The following CSMD1 variants were observed in gnomAD, a reference collection of about 807,000 sequenced individuals.
CSMD1 encodes CUB and sushi domain-containing protein 1.
CSMD1 carries 213 observed loss-of-function variants against 417.5 expected under a neutral mutation model. The observed-to-expected ratio is 0.51, with a 90% CI of 0.46 to 0.57. The LOEUF (loss-of-function observed/expected upper bound fraction) is 0.57. Ranked by LOEUF, CSMD1 falls within the 20% of genes least tolerant of loss-of-function variation. CSMD1 has a pLI of 0.00. For missense variants in CSMD1, 6,923 were observed against 4,529.7 expected (o/e 1.53, Z -15.17); for synonymous variants, 2,862 against 1,736.8 (o/e 1.65, Z -16.11).
chr8:4,431,359 A>G (rs1797862995), intron 2 of CSMD1, among the ~76,000 whole-genome samples: 1 of 152,178 alleles, frequency 6.6e-6, no homozygotes, highest in Non-Finnish European at 1.5e-5. Flanking sequence ...AATTGAAACC[A>G]ATAGTTGGGA....
At chr8:4,772,462 G>C (rs1415925131) in intron 1 of CSMD1, among the ~76,000 whole-genome samples, 1 of 152,154 alleles carries the variant, frequency 6.6e-6, no homozygotes, top group Non-Finnish European at 1.5e-5. Flanking sequence ...TATATCATGA[G>C]CGTCATCCGG....
At chr8:3,609,863 G>C (rs1258896568) in intron 8 of CSMD1, among the ~76,000 whole-genome samples, 2 of 108,786 alleles carry the variant, frequency 1.8e-5, no homozygotes, top group African/African-American at 3.5e-5. Context: ...CTGTCCCCCA[G>C]GCTGAAGTGA....
At chr8:4,064,903 A>G (rs1563075771) in intron 3 of CSMD1, among the ~76,000 whole-genome samples, 2 of 150,772 alleles carry the variant, frequency 1.3e-5, no homozygotes, top group East Asian at 4.0e-4. Flanking sequence ...AAAGTGGTCA[A>G]TTCCATTGAG....
chr8:4,498,476 C>G (rs1032096794), intron 2 of CSMD1, among the ~76,000 whole-genome samples: 2 of 151,950 alleles, frequency 1.3e-5, no homozygotes, highest in Admixed American at 1.3e-4. Context: ...AATTTTAGTT[C>G]AAACTTTTAA....
intron 8 of CSMD1, among the ~76,000 whole-genome samples, chr8:3,614,037 C>G (rs1019897707): frequency 6.6e-6 from 1 of 151,786 alleles, no homozygotes; most frequent in African/African-American, 2.4e-5. Context: ...ATCAAAAAAG[C>G]TACTATATAA....
chr8:4,303,490 A>G (rs1554523409), intron 3 of CSMD1, among the ~76,000 whole-genome samples: 2 of 121,048 alleles, frequency 1.7e-5, no homozygotes, highest in Non-Finnish European at 3.1e-5. Context: ...TTGATTTTCA[A>G]TCTCCTTACC....
chr8:3,757,390 C>T (rs767598870), intron 5 of CSMD1, among the ~76,000 whole-genome samples: 3 of 152,182 alleles, frequency 2.0e-5, no homozygotes, highest in Non-Finnish European at 2.9e-5. Context: ...TCCAATAACA[C>T]TTTATTTACG....
At chr8:3,978,442 C>T (rs1185842690) in intron 5 of CSMD1, among the ~76,000 whole-genome samples, 9 of 152,118 alleles carry the variant, frequency 5.9e-5, no homozygotes, top group Admixed American at 5.9e-4. Flanking sequence ...TTGGAACCTA[C>T]CTACCAATAC....
rs1003793691 is a variant in CSMD1 at position 3,023,211 on chromosome 8, A to G, written c.7856-4561T>C. ...TCCAGTAACAAACAGCAGATCTTCA[A>G]AGACCAGCCCGGACACAGACAGCCC... On this transcript the variant is annotated intron_variant, in intron 51 of 69. Transcript: ENST00000635120. 8.5e-5 allele frequency among the ~76,000 whole-genome samples: 13 copies of G among 152,328 alleles called. 1 individual carries two copies. Among genetic ancestry groups the G allele is most frequent in the African/African-American group, 2.9e-4 (12 of 41,572 alleles).
chr8:4,351,055 A>C (rs1801064180), intron 3 of CSMD1, among the ~76,000 whole-genome samples: 1 of 152,146 alleles, frequency 6.6e-6, no homozygotes, highest in Non-Finnish European at 1.5e-5. Flanking sequence ...TGCCTGGCTC[A>C]GACCAGTAAT....
At chr8:2,965,432 G>A (rs768270983) in intron 59 of CSMD1, among the ~76,000 whole-genome samples, 2 of 151,934 alleles carry the variant, frequency 1.3e-5, no homozygotes, top group Non-Finnish European at 2.9e-5. Context: ...ACCATGCCAC[G>A]AACACCTCAC....
chr8:4,140,485 C>G (rs891586592), intron 3 of CSMD1, among the ~76,000 whole-genome samples: 3 of 145,966 alleles, frequency 2.1e-5, no homozygotes, highest in Non-Finnish European at 3.0e-5. Context: ...GCAACAAAAT[C>G]CATCTCAAAA....
chr8:3,834,283 C>A (rs1291457780), intron 5 of CSMD1, among the ~76,000 whole-genome samples: 1 of 152,166 alleles, frequency 6.6e-6, no homozygotes, highest in Non-Finnish European at 1.5e-5. Context: ...GCTCTTCCAA[C>A]TGACATTCCA....
chr8:3,523,168 T>C (rs1797581597), intron 10 of CSMD1, among the ~76,000 whole-genome samples: 1 of 152,156 alleles, frequency 6.6e-6, no homozygotes, highest in African/African-American at 2.4e-5. Flanking sequence ...TCAAAGTAGA[T>C]GCTGGGCTAC....
intron 1 of CSMD1, among the ~76,000 whole-genome samples, chr8:4,689,199 T>A (rs549609490): frequency 6.6e-6 from 1 of 152,330 alleles, no homozygotes; most frequent in Non-Finnish European, 1.5e-5. Context: ...TATTCTTTTG[T>A]GTTCAGATCC....
intron 4 of CSMD1, among the ~76,000 whole-genome samples, chr8:4,022,015 C>G (rs1796812113): frequency 6.6e-6 from 1 of 151,772 alleles, no homozygotes; most frequent in African/African-American, 2.4e-5. Context: ...TGGAGTCCAA[C>G]ACTGGAAAGT....
At chr8:2,975,578 T>G (rs1804844901) in intron 55 of CSMD1, among the ~76,000 whole-genome samples, 1 of 152,198 alleles carries the variant, frequency 6.6e-6, no homozygotes, top group Admixed American at 6.5e-5. Context: ...TGGACATTGA[T>G]TCATTGGAGA....
chr8:4,013,706 C>G (rs1307232272), intron 4 of CSMD1, among the ~76,000 whole-genome samples: 1 of 152,126 alleles, frequency 6.6e-6, no homozygotes, highest in Non-Finnish European at 1.5e-5. Flanking sequence ...TATTGTAGCC[C>G]CAGCAGCTAC....
chr8:3,098,876 C>G (rs1485874070), intron 46 of CSMD1, among the ~76,000 whole-genome samples: 1 of 150,916 alleles, frequency 6.6e-6, no homozygotes, highest in Non-Finnish European at 1.5e-5. Flanking sequence ...TTAATTAGAG[C>G]CAATATACAC....
Sources: gnomAD v4.1 joint callset for allele counts (sites outside exome capture counted in the v4.1 genomes callset) on GRCh38, gnomAD v4.1.1 for gene constraint, MANE v1.5 for transcripts, NCBI Gene and HGNC (gene_info 2026-07-23, HGNC 2026-07-21) for gene names.